Variants in SCAF1 observed in about 807,000 individuals in gnomAD.
The protein encoded by SCAF1 is splicing factor, arginine/serine-rich 19.
Under a neutral mutation model 91.2 loss-of-function variants are expected in SCAF1, and 28 were observed. The observed-to-expected ratio is 0.31, with a 90% CI of 0.23 to 0.42. The LOEUF (loss-of-function observed/expected upper bound fraction) is 0.42, where lower values mean the gene tolerates loss of function less well. Ranked by LOEUF, SCAF1 falls within the 10% of genes least tolerant of loss-of-function variation. The pLI is 1.00. For missense variants in SCAF1, 1,893 were observed against 1,872.1 expected, an observed-to-expected ratio of 1.01 and a Z score of -0.21; for synonymous variants, 1,036 against 833.7, an observed-to-expected ratio of 1.24 and a Z score of -4.18.
upstream of SCAF1, among the ~76,000 whole-genome samples, chr19:49,641,215 T>C (rs746223670): frequency 9.9e-5 from 15 of 152,174 alleles, 1 homozygote; most frequent in Non-Finnish European, 1.9e-4. Flanking sequence ...AGGAGGGAAA[T>C]AGGAGTCTGG....
chr19:49,644,924 G>A, intron 1 of SCAF1, 97 bp from the exon 2 acceptor site: 1 of 782,536 alleles, frequency 1.3e-6, no homozygotes. Flanking sequence ...GATGCTGAGG[G>A]AGATAGTGTG....
At chr19:49,641,919 G>T (rs1160933415), upstream of SCAF1, among the ~76,000 whole-genome samples, 2 of 152,234 alleles carry the variant, frequency 1.3e-5, no homozygotes, top group African/African-American at 4.8e-5. Context: ...GCGCGCGCAG[G>T]GCACTGTGGG....
In SCAF1 at chr19:49,654,334, C is replaced by T; in HGVS notation, c.3317-15C>T. ...CTCTCCCATCTTCATGTTGTCACCTCTCTGCCTCCTGCAGTGACTGCACTT... is the reference window on the plus strand; with the variant it reads ...CTCTCCCATCTTCATGTTGTCACCTTTCTGCCTCCTGCAGTGACTGCACTT... On this transcript the variant is annotated splice_polypyrimidine_tract_variant and intron_variant, in intron 7 of 10. Coordinates refer to ENST00000360565, the MANE Select transcript of SCAF1 (RefSeq NM_021228.3). 6.2e-6 allele frequency: 10 copies of T among 1,612,316 alleles called. No individual in the cohort carries two copies. Among genetic ancestry groups the T allele is most frequent in the Non-Finnish European group, 8.5e-6 (10 of 1,179,122 alleles).
In SCAF1 at chr19:49,653,334, C is replaced by T; in HGVS notation, c.2945C>T (p.Ala982Val). The part of the protein sequence containing the change: ...KVPSTPPPKA[A>V]PPPPALTPDS... Reference sequence around the variant, plus strand: ...CCTAGCACCCCGCCCCCCAAGGCAGCCCCACCACCCCCTGCCCTCACTCCG... The same window carrying T: ...CCTAGCACCCCGCCCCCCAAGGCAGTCCCACCACCCCCTGCCCTCACTCCG... The change falls in exon 7 of 11, where the codon GCC becomes GTC. Residue 982 changes from alanine (A) to valine (V), a missense_variant. Ala to Val is a moderately conservative substitution (Grantham distance 64). This residue lies in a region of SCAF1 where 1,436 missense variants were observed against 1,306.8 expected (regional missense o/e 1.10). Coordinates refer to ENST00000360565, the MANE Select transcript of SCAF1 (RefSeq NM_021228.3). The T allele has an allele frequency of 3.4e-6, 5 of 1,468,520 alleles. No individual in the cohort carries two copies. Among genetic ancestry groups the T allele is most frequent in the South Asian group, 2.8e-5 (2 of 70,220 alleles). The allele number at this position is 1,468,520 out of a possible 1,614,324, so 91.0% of individuals were successfully genotyped here.
At chr19:49,644,077 C>T (rs1324854480) in intron 1 of SCAF1, among the ~76,000 whole-genome samples, 1 of 152,142 alleles carries the variant, frequency 6.6e-6, no homozygotes, top group African/African-American at 2.4e-5. Flanking sequence ...TATTCACAGC[C>T]ATTCTCTGAG....
chr19:49,652,210 A>G lies in SCAF1; in HGVS notation c.1821A>G (p.Arg607=), dbSNP rs1017509871. The stretch of plus-strand genomic sequence containing the variant: ...GGTCGCGGTCCCGGGAGAAGCGGCG[A>G]CGGCGGCGGCGCTCCGCCTCCCCGC... ...SRRSRSREKR[R]RRRRSASPPP... is the part of the protein sequence containing the mutation. The change falls in exon 7 of 11, where the codon CGA becomes CGG. Residue 607 remains arginine, a synonymous_variant. Coordinates refer to ENST00000360565, the MANE Select transcript of SCAF1 (RefSeq NM_021228.3). 83 of 1,311,500 alleles carry G rather than the reference A, an allele frequency of 6.3e-5. No individual in the cohort carries two copies. The African/African-American group carries it at 1.1e-3, about 17-fold the overall frequency. The allele number at this position is 1,311,500 out of a possible 1,614,324, so 81.2% of individuals were successfully genotyped here.
rs531808294 is a variant in SCAF1 at position 49,643,000 on chromosome 19, A to G, written c.-7+758A>G. On this transcript the variant is annotated intron_variant, in intron 1 of 10. Coordinates refer to ENST00000360565, the MANE Select transcript of SCAF1 (RefSeq NM_021228.3). This position sits in a 1 kb window ranked among gnomAD's most constrained non-coding sequence, Gnocchi z 4.0. ...AGATGGCTTTAATGTGACTGCAGGA[A>G]TGCAGTTTTGATGCCTGGAGCAAAT... Among the ~76,000 whole-genome samples, 4 of 152,346 alleles carry G rather than the reference A, an allele frequency of 2.6e-5. 1 individual carries two copies. Among genetic ancestry groups the G allele is most frequent in the African/African-American group, 9.6e-5 (4 of 41,572 alleles).
At position 49,646,279 on chromosome 19, in the gene SCAF1, A is replaced by G. The variant is rs770140332; in HGVS notation, c.261+77A>G. ...GGGATGGGGGCCTGAGTCTGGGGGA[A>G]TGGGGTTTGGGGACCTGGACTCCTG... On this transcript the variant is annotated intron_variant, in intron 4 of 10. Coordinates refer to ENST00000360565, the MANE Select transcript of SCAF1 (RefSeq NM_021228.3). The surrounding 1 kb of genome is among the most constrained non-coding windows in gnomAD (Gnocchi z 5.6). 424 of 1,044,186 alleles carry G rather than the reference A, an allele frequency of 4.1e-4. No individual in the cohort carries two copies. Among genetic ancestry groups the G allele is most frequent in the Non-Finnish European group, 5.3e-4 (385 of 726,824 alleles). The allele number at this position is 1,044,186 out of a possible 1,614,324, so 64.7% of individuals were successfully genotyped here. A position where few individuals can be genotyped will look rare whatever the true frequency, so the allele number is the denominator to read the frequency against.
In SCAF1 at chr19:49,651,486, A is replaced by G; in HGVS notation, c.1097A>G (p.Lys366Arg). 1 of 1,580,062 alleles carries G rather than the reference A, an allele frequency of 6.3e-7. No individual in the cohort carries two copies. The change falls in exon 7 of 11, where the codon AAG becomes AGG. Residue 366 changes from lysine (K) to arginine (R), a missense_variant. Physicochemically the swap from Lys to Arg is conservative, Grantham distance 26. This residue lies in a region of SCAF1 where 1,436 missense variants were observed against 1,306.8 expected (regional missense o/e 1.10). Coordinates refer to ENST00000360565, the MANE Select transcript of SCAF1 (RefSeq NM_021228.3). ...GTEAEACREG[K>R]VSVEVVTAGG... is the part of the protein sequence containing the mutation. Reference sequence around the variant, plus strand: ...GAGGCAGAGGCTTGTCGGGAAGGCAAGGTCTCGGTGGAGGTGGTGACCGCT... The same window carrying G: ...GAGGCAGAGGCTTGTCGGGAAGGCAGGGTCTCGGTGGAGGTGGTGACCGCT...
At position 49,645,087 on chromosome 19, in the gene SCAF1, G is replaced by C; in HGVS notation, c.61G>C (p.Gly21Arg). Residue 21 changes from glycine (G) to arginine (R), a missense_variant, in exon 2 of 11, where the codon GGT becomes CGT. This residue lies in a region of SCAF1 where 270 missense variants were observed against 292.5 expected (regional missense o/e 0.92). Transcript: ENST00000360565. This position sits in a 1 kb window ranked among gnomAD's most constrained non-coding sequence, Gnocchi z 4.6. ...GGAGTCGGGGGAGGATCGGGGCGAT[G>C]GTCCGCCAGACAGAGACCCCACGCT... The part of the protein sequence containing the change: ...TEESGEDRGD[G>R]PPDRDPTLSP... 1 of 1,614,182 alleles carries C rather than the reference G, an allele frequency of 6.2e-7. No homozygotes were observed. The highest frequency in any genetic ancestry group is 8.5e-7 in the Non-Finnish European group (1 of 1,180,010).
At chr19:49,655,677 G>A (rs1206891411) in intron 9 of SCAF1, among the ~76,000 whole-genome samples, 3 of 151,912 alleles carry the variant, frequency 2.0e-5, no homozygotes, top group African/African-American at 7.3e-5. Context: ...TGGTTGGTTG[G>A]TTTTTGAGAC....
chr19:49,653,459 G>A lies in SCAF1; in HGVS notation c.3070G>A (p.Glu1024Lys). 6.5e-7 allele frequency: 1 copy of A among 1,547,694 alleles called. No individual in the cohort carries two copies. The highest frequency in any genetic ancestry group is 1.2e-5 in the South Asian group (1 of 80,864). Residue 1024 changes from glutamate to lysine, a missense_variant, in exon 7 of 11, where the codon GAG becomes AAG. Around this residue, in one of 5 missense-constraint regions of SCAF1, gnomAD observed 1,436 missense variants for 1,306.8 expected, o/e 1.10. Transcript: ENST00000360565. ...EAGVRGGAEE[E>K]EEEEEEEEEE... is the part of the protein sequence containing the mutation. Reference sequence around the variant, plus strand: ...TGGGGTCCGAGGTGGGGCGGAGGAGGAGGAGGAGGAAGAAGAAGAGGAGGA... The same window carrying A: ...TGGGGTCCGAGGTGGGGCGGAGGAGAAGGAGGAGGAAGAAGAAGAGGAGGA...
rs1176440935 is a variant in SCAF1, at chr19:49,651,676, C to T, written c.1287C>T (p.Ala429=). 3.5e-6 allele frequency: 5 copies of T among 1,411,132 alleles called. No individual in the cohort carries two copies. The highest frequency in any genetic ancestry group is 4.6e-6 in the Non-Finnish European group (5 of 1,094,298). 87.4% of individuals were successfully genotyped at this position (1,411,132 alleles called of 1,614,324 possible). Residue 429 remains alanine, a synonymous_variant, in exon 7 of 11, where the codon GCC becomes GCT. Coordinates refer to ENST00000360565, the MANE Select transcript of SCAF1 (RefSeq NM_021228.3). ...CGGCCGCCTCGGCCACCCCCACGGCCCAGCCCCTTCCTCAGCCTCCCGCTC... is the reference window on the plus strand; with the variant it reads ...CGGCCGCCTCGGCCACCCCCACGGCTCAGCCCCTTCCTCAGCCTCCCGCTC... ...PTPAASATPT[A]QPLPQPPAPR...
At chr19:49,644,803 A>C (rs1295068767) in intron 1 of SCAF1, 5 of 405,492 alleles carry the variant, frequency 1.2e-5, no homozygotes, top group African/African-American at 1.0e-4. Context: ...GAGACCCAGA[A>C]AAAAGGAAGA....
chr19:49,651,881 TCGCCCTCCCCGG>T lies in SCAF1; in HGVS notation c.1498_1509del (p.Ser500_Pro503del). On this transcript the variant is annotated inframe_deletion, in exon 7 of 11. Coordinates refer to ENST00000360565, the MANE Select transcript of SCAF1 (RefSeq NM_021228.3). ...ACGGCGGGAGCGCTACCGCCAGCGC[TCGCCCTCCCCGG>T]CGCCCGCGCCCGCCCCGGCCGCCGC... is the stretch of plus-strand genomic sequence containing the variant. 8.3e-7 allele frequency: 1 copy of T among 1,206,980 alleles called. No homozygotes were observed. Among genetic ancestry groups the T allele is most frequent in the Non-Finnish European group, 1.0e-6 (1 of 969,808 alleles). 74.8% of individuals were successfully genotyped at this position (1,206,980 alleles called of 1,614,324 possible). A position where few individuals can be genotyped will look rare whatever the true frequency, so the allele number is the denominator to read the frequency against.
chr19:49,654,969 G>A, intron 9 of SCAF1, 99 bp downstream of exon 9: 1 of 993,738 alleles, frequency 1.0e-6, no homozygotes, highest in Non-Finnish European at 1.4e-6. Context: ...GGGAGACTGA[G>A]GCAGGGAGAC....
rs748186936 is a variant in SCAF1, at chr19:49,645,173, G to A, written c.108+39G>A. ...GCTCCTGGCACTGAGGGATGGAGGA[G>A]CTGGGCATCCACACTCCAGGGGCCT... On this transcript the variant is annotated intron_variant, in intron 2 of 10. Coordinates refer to ENST00000360565, the MANE Select transcript of SCAF1 (RefSeq NM_021228.3). This position sits in a 1 kb window ranked among gnomAD's most constrained non-coding sequence, Gnocchi z 4.6. 4 of 1,583,450 alleles carry A rather than the reference G, an allele frequency of 2.5e-6. No individual in the cohort carries two copies. The highest frequency in any genetic ancestry group is 3.5e-6 in the Non-Finnish European group (4 of 1,153,328).
chr19:49,652,409 T>G lies in SCAF1; in HGVS notation c.2020T>G (p.Ser674Ala). ...CGCCCCGCCGCCCTCTGGCTCCACC[T>G]CGTGTGGTGACCGCGACAGCCGCCG... ...APAPPPSGST[S>A]CGDRDSRRRG... The change falls in exon 7 of 11, where the codon TCG (serine) becomes GCG (alanine). Residue 674 changes from serine (S) to alanine (A), a missense_variant. Physicochemically the swap from Ser to Ala is moderately conservative, Grantham distance 99. This residue lies in a region of SCAF1 where 1,436 missense variants were observed against 1,306.8 expected (regional missense o/e 1.10). Transcript: ENST00000360565. 6.3e-7 allele frequency: 1 copy of G among 1,592,272 alleles called. No homozygotes were observed. The highest frequency in any genetic ancestry group is 8.5e-7 in the Non-Finnish European group (1 of 1,173,538).
In SCAF1 at chr19:49,652,277, C is replaced by T; in HGVS notation, c.1888C>T (p.His630Tyr). ...SSSSSSRRER[H>Y]RGKHRDGGGS... ...ATCGTCGTCCTCGAGGCGCGAGCGG[C>T]ACCGCGGGAAACACCGGGACGGTGG... The change falls in exon 7 of 11, where the codon CAC becomes TAC. Residue 630 changes from histidine to tyrosine, a missense_variant. By Grantham distance (83) the His-to-Tyr change is moderately conservative. Coordinates refer to ENST00000360565, the MANE Select transcript of SCAF1 (RefSeq NM_021228.3). The T allele has an allele frequency of 2.7e-6, 4 of 1,498,550 alleles. No homozygotes were observed. Among genetic ancestry groups the T allele is most frequent in the South Asian group, 1.3e-5 (1 of 79,526 alleles). 92.8% of individuals were successfully genotyped at this position (1,498,550 alleles called of 1,614,324 possible). A position where few individuals can be genotyped will look rare whatever the true frequency, so the allele number is the denominator to read the frequency against.
Sources: allele counts gnomAD v4.1 joint callset (sites outside exome capture counted in the v4.1 genomes callset), GRCh38; gene constraint gnomAD v4.1.1; regional missense constraint gnomAD v4.1.1; non-coding constraint Gnocchi (gnomAD v3.1); transcripts MANE v1.5; gene names NCBI Gene and HGNC (gene_info 2026-07-23, HGNC 2026-07-21).